Variants in DLGAP1 observed in about 807,000 individuals in gnomAD.
DLGAP1 encodes the protein disks large-associated protein 1.
DLGAP1 carries 11 observed loss-of-function variants against 90.8 expected under a neutral mutation model. The observed-to-expected ratio is 0.12, with a 90% CI of 0.08 to 0.20. The LOEUF is 0.20. Among genes scored for constraint, DLGAP1 ranks in the 10% least tolerant of loss-of-function variants. DLGAP1 has a pLI of 1.00. For synonymous variants in DLGAP1, 558 were observed against 540.7 expected (o/e 1.03, Z -0.44); for missense variants, 1,050 against 1,333.8 (o/e 0.79, Z 3.31).
intron 9 of DLGAP1, among the ~76,000 whole-genome samples, chr18:3,542,119 T>C (rs2052726362): frequency 6.6e-6 from 1 of 152,188 alleles, no homozygotes; most frequent in African/African-American, 2.4e-5. Context: ...GAGGTCTAAA[T>C]GTTATGTGTA....
chr18:3,506,478 A>G (rs7240449), intron 11 of DLGAP1, among the ~76,000 whole-genome samples: 40,284 of 132,102 alleles, frequency 0.3, 6,213 homozygotes, highest in African/African-American at 0.45. Flanking sequence ...GCGCCATTGC[A>G]CTCCAGCCTG....
rs1158861846 is a variant in DLGAP1 at position 3,729,283 on chromosome 18, C to A, written c.1443G>T (p.Leu481=). 5 of 1,613,998 alleles carry A rather than the reference C, an allele frequency of 3.1e-6. No individual in the cohort carries two copies. The Admixed American group carries it at 6.7e-5, about 22-fold the overall frequency. The change falls in exon 7 of 13, where the codon CTG becomes CTT. Residue 481 remains leucine, a synonymous_variant. Coordinates refer to ENST00000315677, the MANE Select transcript of DLGAP1 (RefSeq NM_004746.4). This position sits in a 1 kb window ranked among gnomAD's most constrained non-coding sequence, Gnocchi z 6.2. The stretch of plus-strand genomic sequence containing the variant: ...GCATGCGGAAGCAGCCGGGCATGGG[C>A]AGGTCCAGCGCTTCCACGGCCTGCG... ...LESQAVEALD[L]PMPGCFRMRS...
At chr18:3,873,663 GA>G (rs1180441439) in intron 4 of DLGAP1, among the ~76,000 whole-genome samples, 1 of 152,110 alleles carries the variant, frequency 6.6e-6, no homozygotes, top group South Asian at 2.1e-4. Context: ...ACCAATTATT[GA>G]AAAAAATAAT....
intron 1 of DLGAP1, among the ~76,000 whole-genome samples, chr18:4,447,207 C>T (rs1480727892): frequency 6.6e-6 from 1 of 152,274 alleles, no homozygotes; most frequent in Admixed American, 6.5e-5. Flanking sequence ...GTGATGTACA[C>T]GTGAATGTTC....
intron 1 of DLGAP1, among the ~76,000 whole-genome samples, chr18:4,282,496 C>T (rs967006980): frequency 6.6e-6 from 1 of 151,364 alleles, no homozygotes; most frequent in African/African-American, 2.4e-5. Context: ...CTTATAGAAA[C>T]AAAATAGTAA....
Position 4,455,210 on chromosome 18 carries a change from C to A in DLGAP1, c.-471G>T, listed in dbSNP as rs2083944553. 1 of 151,694 alleles carries A rather than the reference C, an allele frequency of 6.6e-6. No individual in the cohort carries two copies. The highest frequency in any genetic ancestry group is 2.1e-4 in the South Asian group (1 of 4,834). The allele number at this position is 151,694 out of a possible 1,614,324, so 9.4% of individuals were successfully genotyped here. ...CCCGAGGCGGAAGGTGTCCGCGAGG[C>A]CGTGTCCTGGAGATTGCGGCGCCCG... On this transcript the variant is annotated 5_prime_UTR_variant, in exon 1 of 13. Coordinates refer to ENST00000315677, the MANE Select transcript of DLGAP1 (RefSeq NM_004746.4).
At chr18:3,766,207 T>G (rs760936237) in intron 5 of DLGAP1, among the ~76,000 whole-genome samples, 1 of 152,098 alleles carries the variant, frequency 6.6e-6, no homozygotes, top group African/African-American at 2.4e-5. Context: ...TAAAGTACAC[T>G]ACAAAGTAAA....
chr18:3,800,788 T>C (rs538936675), intron 5 of DLGAP1, among the ~76,000 whole-genome samples: 168 of 152,162 alleles, frequency 1.1e-3, no homozygotes, highest in South Asian at 4.4e-3. Context: ...CATGTGGGTA[T>C]GGTGTATATT....
At chr18:4,234,685 T>C (rs1302448012) in intron 1 of DLGAP1, among the ~76,000 whole-genome samples, 1 of 152,192 alleles carries the variant, frequency 6.6e-6, no homozygotes, top group Non-Finnish European at 1.5e-5. Context: ...ACTAGAAGAA[T>C]GACAGGTGAA....
intron 4 of DLGAP1, among the ~76,000 whole-genome samples, chr18:3,818,149 A>T (rs1359783401): frequency 8.5e-5 from 13 of 152,242 alleles, no homozygotes; most frequent in Non-Finnish European, 1.9e-4. Flanking sequence ...ATGTTTAAGC[A>T]TTAGCACTCC....
At chr18:4,120,571 G>A (rs1568407800) in intron 2 of DLGAP1, among the ~76,000 whole-genome samples, 1 of 152,138 alleles carries the variant, frequency 6.6e-6, no homozygotes, top group South Asian at 2.1e-4. Flanking sequence ...CAGCTAGGGA[G>A]GTCTATAGGT....
Position 4,355,742 on chromosome 18 carries a change from CTTTT to C in DLGAP1, c.-267+99260_-267+99263del, listed in dbSNP as rs56040788. Among the ~76,000 whole-genome samples, 16 of 124,706 alleles carry C rather than the reference CTTTT, an allele frequency of 1.3e-4. 1 individual carries two copies. The South Asian group carries it at 2.1e-3, about 17-fold the overall frequency. 81.8% of individuals were successfully genotyped at this position (124,706 alleles called of 152,430 possible). On this transcript the variant is annotated intron_variant, in intron 1 of 12. Coordinates refer to ENST00000315677, the MANE Select transcript of DLGAP1 (RefSeq NM_004746.4). ...AAAGTTACATGGGACAATCCGGGAT[CTTTT>C]TTTTTTTTTTTTTTGCAATTTTTTT...
intron 1 of DLGAP1, among the ~76,000 whole-genome samples, chr18:4,425,119 C>G (rs983277132): frequency 1.3e-5 from 2 of 151,876 alleles, no homozygotes; most frequent in African/African-American, 4.8e-5. Flanking sequence ...TCATTGTTGT[C>G]ATTTCTTGAA....
chr18:3,994,149 C>T (rs900336556), intron 3 of DLGAP1, among the ~76,000 whole-genome samples: 11 of 152,266 alleles, frequency 7.2e-5, no homozygotes, highest in Admixed American at 6.5e-4. Flanking sequence ...CCCTGCCTGG[C>T]ACCGGGTGAT....
intron 3 of DLGAP1, among the ~76,000 whole-genome samples, chr18:3,922,312 T>C (rs1401341781): frequency 2.0e-5 from 3 of 152,118 alleles, no homozygotes; most frequent in Non-Finnish European, 2.9e-5. Flanking sequence ...TGACAATGAA[T>C]GAAAAGGAGA....
chr18:4,279,874 T>C (rs1001026508), intron 1 of DLGAP1, among the ~76,000 whole-genome samples: 1 of 152,198 alleles, frequency 6.6e-6, no homozygotes, highest in Admixed American at 6.5e-5. Context: ...TGTTATTTCA[T>C]CTTACTATCC....
At chr18:3,577,637 A>G (rs2055235507) in intron 8 of DLGAP1, among the ~76,000 whole-genome samples, 1 of 152,198 alleles carries the variant, frequency 6.6e-6, no homozygotes. Context: ...CAGAACAAGA[A>G]TGGAGGATAT....
chr18:4,325,641 A>G (rs1306955674), intron 1 of DLGAP1, among the ~76,000 whole-genome samples: 1 of 152,230 alleles, frequency 6.6e-6, no homozygotes, highest in Non-Finnish European at 1.5e-5. Context: ...TAACCAAAAC[A>G]GCATGGTACT....
At chr18:4,095,558 T>C (rs1245125625) in intron 2 of DLGAP1, among the ~76,000 whole-genome samples, 1 of 152,098 alleles carries the variant, frequency 6.6e-6, no homozygotes, top group Non-Finnish European at 1.5e-5. Context: ...TAGTAAGAGA[T>C]GATCAAGTAA....
Sources: allele counts gnomAD v4.1 joint callset (sites outside exome capture counted in the v4.1 genomes callset), GRCh38; gene constraint gnomAD v4.1.1; non-coding constraint Gnocchi (gnomAD v3.1); transcripts MANE v1.5; gene names NCBI Gene and HGNC (gene_info 2026-07-23, HGNC 2026-07-21).